The following ACBD5 variants were observed in gnomAD, a reference collection of about 807,000 sequenced individuals.
ACBD5 encodes the protein acyl-CoA binding domain containing 5, also known as acyl-CoA-binding domain-containing protein 5.
Under a neutral mutation model 71.8 loss-of-function variants are expected in ACBD5, and 40 were observed. That is an observed-to-expected ratio of 0.56 (90% CI 0.43 to 0.72). The LOEUF is 0.72. Ranked by LOEUF, ACBD5 falls within the 30% of genes least tolerant of loss-of-function variation. The probability of loss-of-function intolerance (pLI) is 0.00; values close to 1 mark genes in which losing one functional copy is unlikely to be tolerated. For synonymous variants in ACBD5, 229 were observed against 218.6 expected (o/e 1.05, Z -0.42); for missense variants, 559 against 644.5 (o/e 0.87, Z 1.44).
chr10:27,229,475 C>T lies in ACBD5; in HGVS notation c.375+2273G>A, dbSNP rs2063573203. On this transcript the variant is annotated intron_variant, in intron 4 of 12. Transcript: ENST00000396271. Reference sequence around the variant, plus strand: ...GGCGTGACGGCATGCCTCTGTAATCCCAGCTACTCGGGAGGCTGAGGCACG... The same window carrying T: ...GGCGTGACGGCATGCCTCTGTAATCTCAGCTACTCGGGAGGCTGAGGCACG... Among the ~76,000 whole-genome samples, 4 of 151,828 alleles carry T rather than the reference C, an allele frequency of 2.6e-5. 1 individual carries two copies. The South Asian group carries it at 8.3e-4, about 32-fold the overall frequency.
intron 3 of ACBD5, among the ~76,000 whole-genome samples, chr10:27,234,175 C>G (rs1283015452): frequency 1.3e-5 from 2 of 152,174 alleles, no homozygotes; most frequent in Non-Finnish European, 2.9e-5. Flanking sequence ...TGTTAGTCAA[C>G]TGGGAAAACA....
rs144945606 is a variant in ACBD5 at position 27,204,528 on chromosome 10, C to T, written c.1477G>A (p.Glu493Lys). 3.8e-5 allele frequency: 61 copies of T among 1,613,822 alleles called. No individual in the cohort carries two copies. The highest frequency in any genetic ancestry group is 5.0e-5 in the Non-Finnish European group (59 of 1,179,916). Residue 493 changes from glutamate to lysine, a missense_variant, in exon 12 of 13, where the codon GAG becomes AAG. Transcript: ENST00000396271. ...AACGTTAGCACACCAGGAGACATCTCGAAGGGCCACCAAGATGGTCTCTGA... is the reference window on the plus strand; with the variant it reads ...AACGTTAGCACACCAGGAGACATCTTGAAGGGCCACCAAGATGGTCTCTGA... ...TSQRPSWWPF[E>K]MSPGVLTFAI...
chr10:27,234,265 T>A (rs1016316510), intron 3 of ACBD5, among the ~76,000 whole-genome samples: 1 of 152,202 alleles, frequency 6.6e-6, no homozygotes, highest in East Asian at 1.9e-4. Flanking sequence ...CTTTTTAGTT[T>A]AGAATTCTTT....
intron 3 of ACBD5, among the ~76,000 whole-genome samples, chr10:27,233,021 A>G (rs1040342965): frequency 2.0e-5 from 3 of 152,208 alleles, no homozygotes; most frequent in Non-Finnish European, 4.4e-5. Flanking sequence ...GACAATTCAT[A>G]AAGATCTTAA....
upstream of ACBD5, among the ~76,000 whole-genome samples, chr10:27,241,284 G>A (rs2065466041): frequency 6.6e-6 from 1 of 152,234 alleles, no homozygotes; most frequent in Non-Finnish European, 1.5e-5. Context: ...TAAATTATGT[G>A]ACCTAGGGCA....
intron 4 of ACBD5, among the ~76,000 whole-genome samples, chr10:27,224,653 T>G (rs998932796): frequency 1.3e-5 from 2 of 152,198 alleles, no homozygotes; most frequent in African/African-American, 2.4e-5. Context: ...TCAAAGAAAT[T>G]AAAGTATTTC....
upstream of ACBD5, among the ~76,000 whole-genome samples, chr10:27,241,083 C>CT (rs1190077324): frequency 1.3e-5 from 2 of 152,232 alleles, no homozygotes; most frequent in African/African-American, 4.8e-5. Context: ...GAAGTGCGCG[C>CT]TGGGGATGCG....
intron 13 of ACBD5, among the ~76,000 whole-genome samples, chr10:27,183,618 A>G (rs1451017047): frequency 2.6e-5 from 4 of 152,154 alleles, no homozygotes; most frequent in Non-Finnish European, 5.9e-5. Context: ...CCCAAAATGC[A>G]TTTCTTTATC....
chr10:27,191,134 G>T (rs2136352824), downstream of ACBD5, among the ~76,000 whole-genome samples: 1 of 152,274 alleles, frequency 6.6e-6, no homozygotes, highest in South Asian at 2.1e-4. Context: ...GCGCTAAGAA[G>T]AAATGAACTA....
At chr10:27,228,050 CCTCT>C (rs2063314425) in intron 4 of ACBD5, among the ~76,000 whole-genome samples, 3 of 151,862 alleles carry the variant, frequency 2.0e-5, no homozygotes, top group East Asian at 3.9e-4. Flanking sequence ...TCTAATCCTC[CCTCT>C]ATTACAGTGA....
At chr10:27,241,808 C>G (rs1227856549), upstream of ACBD5, among the ~76,000 whole-genome samples, 1 of 152,062 alleles carries the variant, frequency 6.6e-6, no homozygotes, top group East Asian at 1.9e-4. Context: ...AAAGGGGGTG[C>G]CCTGGGCCTT....
chr10:27,192,478 A>G (rs1345771684), downstream of ACBD5, among the ~76,000 whole-genome samples: 3 of 152,078 alleles, frequency 2.0e-5, no homozygotes, highest in African/African-American at 4.8e-5. Flanking sequence ...TCACATGTCC[A>G]TTACTGTGAG....
chr10:27,225,364 T>G (rs1293124745), intron 4 of ACBD5, among the ~76,000 whole-genome samples: 2 of 152,202 alleles, frequency 1.3e-5, no homozygotes, highest in African/African-American at 2.4e-5. Context: ...TCTATGGTAG[T>G]CAGCAACTCT....
At chr10:27,233,710 C>T (rs1487460954) in intron 3 of ACBD5, among the ~76,000 whole-genome samples, 5 of 151,890 alleles carry the variant, frequency 3.3e-5, no homozygotes, top group Non-Finnish European at 5.9e-5. Flanking sequence ...GGGAGTGAGA[C>T]CCTGTGTCCA....
intron 2 of ACBD5, among the ~76,000 whole-genome samples, chr10:27,236,080 C>T (rs1387925247): frequency 4.1e-5 from 6 of 146,734 alleles, no homozygotes; most frequent in Admixed American, 2.1e-4. Flanking sequence ...CACCACTGCA[C>T]TACAGCCTCG....
chr10:27,241,881 G>T (rs2065539657), upstream of ACBD5, among the ~76,000 whole-genome samples: 4 of 152,256 alleles, frequency 2.6e-5, no homozygotes, highest in South Asian at 8.3e-4. Context: ...GCCGAACGTT[G>T]GTGGTGGGAC....
At chr10:27,227,794 C>A (rs1030857576) in intron 4 of ACBD5, among the ~76,000 whole-genome samples, 3 of 152,006 alleles carry the variant, frequency 2.0e-5, no homozygotes, top group Non-Finnish European at 4.4e-5. Context: ...CTCCCTGCAA[C>A]CTCCGCCTCC....
At chr10:27,203,636 G>T (rs1181038051) in intron 12 of ACBD5, among the ~76,000 whole-genome samples, 1 of 152,192 alleles carries the variant, frequency 6.6e-6, no homozygotes, top group Non-Finnish European at 1.5e-5. Flanking sequence ...CTACTTGGGA[G>T]GCTGAGGCAG....
intron 2 of ACBD5, among the ~76,000 whole-genome samples, chr10:27,235,534 C>A (rs995434606): frequency 1.3e-5 from 2 of 152,142 alleles, no homozygotes; most frequent in African/African-American, 4.8e-5. Context: ...TATAGAATAA[C>A]TATTATTAAG....
Sources: allele counts gnomAD v4.1 joint callset (sites outside exome capture counted in the v4.1 genomes callset), GRCh38; gene constraint gnomAD v4.1.1; transcripts MANE v1.5; gene names NCBI Gene and HGNC (gene_info 2026-07-23, HGNC 2026-07-21).